Variants in BSPH1 observed in about 807,000 individuals in gnomAD.
BSPH1 encodes binder of sperm protein homolog 1.
A neutral mutation model predicts 22.5 loss-of-function variants in BSPH1; 21 were observed. That is an observed-to-expected ratio of 0.93 (90% CI 0.66 to 1.35). The LOEUF (loss-of-function observed/expected upper bound fraction) is 1.35. Among genes scored for constraint, BSPH1 ranks in the 40% most tolerant of loss-of-function variants. The pLI, the probability that BSPH1 is intolerant of heterozygous loss-of-function variation, is 0.00. For synonymous variants in BSPH1, 42 were observed against 53.6 expected, an observed-to-expected ratio of 0.78 and a Z score of 0.95; for missense variants, 141 against 154.2, an observed-to-expected ratio of 0.91 and a Z score of 0.45.
chr19:47,977,643 A>G (rs1440318145), intron 3 of BSPH1, 139 bp from the exon 4 acceptor site: 5 of 1,423,450 alleles, frequency 3.5e-6, no homozygotes, highest in African/African-American at 2.9e-5. Context: ...GTGCTACTCA[A>G]TAGCAGAGCT....
intron 1 of BSPH1, among the ~76,000 whole-genome samples, chr19:47,991,611 C>T (rs375831813): frequency 9.2e-5 from 8 of 86,570 alleles, no homozygotes; most frequent in African/African-American, 3.2e-4. Context: ...CCTCCTCCCC[C>T]TCTTCCTCCT....
intron 1 of BSPH1, chr19:47,981,752 G>A: frequency 2.1e-6 from 2 of 971,718 alleles, no homozygotes; most frequent in Non-Finnish European, 2.4e-6. Flanking sequence ...TGGAATGAAG[G>A]AAACTGCCTG....
chr19:47,980,922 C>A lies in BSPH1; in HGVS notation c.93G>T (p.Val31=), dbSNP rs775934134. The A allele has an allele frequency of 6.8e-7, 1 of 1,462,876 alleles. No individual in the cohort carries two copies. Among genetic ancestry groups the A allele is most frequent in the South Asian group, 1.3e-5 (1 of 74,212 alleles). 90.6% of individuals were successfully genotyped at this position (1,462,876 alleles called of 1,614,324 possible). The change falls in exon 2 of 6, where the codon GTG becomes GTT. Residue 31 remains valine, a splice_region_variant and synonymous_variant. Transcript: ENST00000344839. ...ATAAAAGTTTTTTGATCAACTCACC[C>A]ACAGTTGATGATAATTCATCTGAAA... ...PVILNELSST[V]ETITHFPEVT...
chr19:47,990,785 G>A (rs1011761038), intron 1 of BSPH1, among the ~76,000 whole-genome samples: 1 of 151,798 alleles, frequency 6.6e-6, no homozygotes, highest in African/African-American at 2.4e-5. Flanking sequence ...TTTCTATTTC[G>A]CTTCATAATT....
chr19:47,984,312 C>G (rs752141595), intron 1 of BSPH1, among the ~76,000 whole-genome samples: 1 of 150,770 alleles, frequency 6.6e-6, no homozygotes, highest in Non-Finnish European at 1.5e-5. Flanking sequence ...AATACTTATA[C>G]AAAACTGGCT....
intron 5 of BSPH1, among the ~76,000 whole-genome samples, chr19:47,973,220 ATAATAATAATAAT>A (rs1455835701): frequency 8.9e-5 from 8 of 89,968 alleles, no homozygotes; most frequent in African/African-American, 3.5e-4. Context: ...CCGTCTCAAA[ATAATAATAATAAT>A]AATAATAATA....
intron 1 of BSPH1, among the ~76,000 whole-genome samples, chr19:47,989,995 T>G (rs985285521): frequency 6.6e-6 from 1 of 151,816 alleles, no homozygotes; most frequent in Non-Finnish European, 1.5e-5. Flanking sequence ...GGCACGTGCC[T>G]TTAGTCCCAG....
At chr19:47,976,594 A>AAC (rs1310879634) in intron 5 of BSPH1, 116 bp downstream of exon 5, 6 of 565,354 alleles carry the variant, frequency 1.1e-5, no homozygotes, top group South Asian at 8.1e-5. Context: ...AAAAAAAAAA[A>AAC]AACAAAAAAA....
At chr19:47,991,344 C>T (rs1442130789) in intron 1 of BSPH1, among the ~76,000 whole-genome samples, 5 of 151,838 alleles carry the variant, frequency 3.3e-5, no homozygotes, top group Non-Finnish European at 7.4e-5. Context: ...ACAACCACTT[C>T]CCCTCCCTGT....
intron 3 of BSPH1, 116 bp downstream of exon 3, chr19:47,979,454 T>G: frequency 3.5e-6 from 2 of 577,048 alleles, no homozygotes; most frequent in Non-Finnish European, 6.1e-6. Flanking sequence ...TTATGTTACA[T>G]TTTATATAAG....
At chr19:47,977,541 T>C (rs1437504789) in intron 3 of BSPH1, 37 bp from the exon 4 acceptor site, 36 of 1,548,696 alleles carry the variant, frequency 2.3e-5, no homozygotes, top group Non-Finnish European at 3.0e-5. Flanking sequence ...TTTCTGGGTG[T>C]GTTAGGAGAG....
chr19:47,981,596 G>C (rs1460642506), intron 1 of BSPH1, among the ~76,000 whole-genome samples: 2 of 152,142 alleles, frequency 1.3e-5, no homozygotes, highest in South Asian at 4.1e-4. Context: ...CCCCCCGGAG[G>C]GGTTGGTTCA....
intron 1 of BSPH1, 25 bp downstream of exon 1, chr19:47,991,984 G>A: frequency 6.8e-7 from 1 of 1,465,758 alleles, no homozygotes; most frequent in Non-Finnish European, 9.3e-7. Flanking sequence ...ACCTTGCATA[G>A]GAAGAAATAT....
intron 1 of BSPH1, among the ~76,000 whole-genome samples, chr19:47,988,147 A>G (rs1214831230): frequency 6.6e-6 from 1 of 152,194 alleles, no homozygotes; most frequent in African/African-American, 2.4e-5. Context: ...AAGGACAAAT[A>G]TTGCACGATT....
Position 47,969,684 on chromosome 19 carries a change from G to GGAGAGAGAGAGAGAGAGAGAGAGA in BSPH1, c.*3-1499_*3-1476dup, listed in dbSNP as rs10589898. On this transcript the variant is annotated intron_variant, in intron 5 of 5. Transcript: ENST00000344839. Reference sequence around the variant, plus strand: ...CACTACCTGTAAGGCAGGGAGAGGGGGAGAGAGAGAGAGAGAGAGAGAGAG... The same window carrying GGAGAGAGAGAGAGAGAGAGAGAGA: ...CACTACCTGTAAGGCAGGGAGAGGGGGAGAGAGAGAGAGAGAGAGAGAGAGAGAGAGAGAGAGAGAGAGAGAGAG... Among the ~76,000 whole-genome samples the GGAGAGAGAGAGAGAGAGAGAGAGA allele has an allele frequency of 5.5e-4, 63 of 113,860 alleles. 3 individuals carry two copies. The highest frequency in any genetic ancestry group is 2.7e-3 in the South Asian group (8 of 2,990). 74.7% of individuals were successfully genotyped at this position (113,860 alleles called of 152,430 possible). A position where few individuals can be genotyped will look rare whatever the true frequency, so the allele number is the denominator to read the frequency against.
At chr19:47,980,672 T>C (rs971902530) in intron 2 of BSPH1, among the ~76,000 whole-genome samples, 2 of 151,934 alleles carry the variant, frequency 1.3e-5, no homozygotes, top group South Asian at 4.2e-4. Flanking sequence ...GGGTTTCACC[T>C]TGTTAGCCAG....
intron 5 of BSPH1, among the ~76,000 whole-genome samples, chr19:47,970,793 T>A (rs1969304808): frequency 6.6e-6 from 1 of 152,202 alleles, no homozygotes; most frequent in African/African-American, 2.4e-5. Flanking sequence ...ATACAAGCGG[T>A]CATTTTAAAT....
At chr19:47,975,098 G>A (rs988890962) in intron 5 of BSPH1, among the ~76,000 whole-genome samples, 4 of 152,148 alleles carry the variant, frequency 2.6e-5, no homozygotes, top group Non-Finnish European at 5.9e-5. Context: ...TCTACCGAAG[G>A]TGACTCCACT....
At chr19:47,985,821 C>G (rs1250606198) in intron 1 of BSPH1, among the ~76,000 whole-genome samples, 2 of 135,150 alleles carry the variant, frequency 1.5e-5, no homozygotes, top group Non-Finnish European at 3.1e-5. Flanking sequence ...AGTGACAGGG[C>G]AAGACTTTGT....
Sources: allele counts gnomAD v4.1 joint callset (sites outside exome capture counted in the v4.1 genomes callset), GRCh38; gene constraint gnomAD v4.1.1; transcripts MANE v1.5; gene names NCBI Gene and HGNC (gene_info 2026-07-23, HGNC 2026-07-21).